Variants in ANO3 observed in about 807,000 individuals in gnomAD.
The protein encoded by ANO3 is anoctamin-3.
ANO3 carries 99 observed loss-of-function variants against 144.8 expected under a neutral mutation model. The observed-to-expected ratio is 0.68, with a 90% confidence interval of 0.58 to 0.81. The LOEUF (loss-of-function observed/expected upper bound fraction) is 0.81. Among genes scored for constraint, ANO3 ranks in the 30% least tolerant of loss-of-function variants. The pLI is 0.00. For missense variants in ANO3, 905 were observed against 1,202.2 expected, an observed-to-expected ratio of 0.75 and a Z score of 3.66; for synonymous variants, 414 against 392.6, an observed-to-expected ratio of 1.05 and a Z score of -0.64.
chr11:26,640,680 G>C (rs935917246), intron 21 of ANO3, among the ~76,000 whole-genome samples: 1 of 152,022 alleles, frequency 6.6e-6, no homozygotes, highest in Non-Finnish European at 1.5e-5. Flanking sequence ...ATGGCCTTGC[G>C]CTAGGGGTCA....
At chr11:26,226,860 T>C (rs1311631758) in intron 1 of ANO3, among the ~76,000 whole-genome samples, 1 of 152,156 alleles carries the variant, frequency 6.6e-6, no homozygotes, top group Non-Finnish European at 1.5e-5. Context: ...CACATTGTTG[T>C]ACAGCCATCA....
At position 26,255,833 on chromosome 11, in the gene ANO3, G is replaced by A. The variant is rs549392236; in HGVS notation, c.155-53812G>A. Among the ~76,000 whole-genome samples the A allele has an allele frequency of 4.6e-4, 70 of 152,242 alleles. No homozygotes were observed. In the South Asian group the frequency reaches 0.014, roughly 30 times the overall value. ...TTATCTAAGCCGTGATGACAAAAAT[G>A]CTCTCAATTCTTAGCAAAATCACAG... On this transcript the variant is annotated intron_variant, in intron 1 of 27. Coordinates refer to the ANO3 transcript ENST00000672621.
intron 10 of ANO3, 42 bp from the exon 11 acceptor site, chr11:26,541,905 C>A: frequency 6.4e-7 from 1 of 1,573,544 alleles, no homozygotes; most frequent in Non-Finnish European, 8.6e-7. Context: ...TAAAATTTCA[C>A]TAAAAAATAG....
chr11:26,635,174 G>A (rs1013353667), intron 20 of ANO3, 104 bp downstream of exon 20: 24 of 963,848 alleles, frequency 2.5e-5, no homozygotes, highest in Non-Finnish European at 3.8e-5. Context: ...GAACTTTATG[G>A]ATATTGAAGA....
chr11:26,424,554 T>A (rs1042333906), intron 1 of ANO3, among the ~76,000 whole-genome samples: 1 of 152,076 alleles, frequency 6.6e-6, no homozygotes, highest in Non-Finnish European at 1.5e-5. Context: ...CCATTTTCTA[T>A]CTGTGTACCT....
intron 1 of ANO3, among the ~76,000 whole-genome samples, chr11:26,209,706 C>T (rs543983569): frequency 2.6e-5 from 4 of 152,304 alleles, no homozygotes; most frequent in African/African-American, 9.6e-5. Flanking sequence ...GATGGTATCT[C>T]ATTGTGGTTT....
chr11:26,405,590 A>G (rs1191496508), intron 1 of ANO3, among the ~76,000 whole-genome samples: 1 of 151,900 alleles, frequency 6.6e-6, no homozygotes, highest in Non-Finnish European at 1.5e-5. Flanking sequence ...TATAAATGTC[A>G]TGCATAACTG....
chr11:26,404,623 C>G (rs921521550), intron 1 of ANO3, among the ~76,000 whole-genome samples: 4 of 151,674 alleles, frequency 2.6e-5, no homozygotes, highest in African/African-American at 9.7e-5. Context: ...TATTATTATT[C>G]AGCTATATTG....
chr11:26,512,529 T>C (rs1484632695), intron 5 of ANO3, among the ~76,000 whole-genome samples: 1 of 152,198 alleles, frequency 6.6e-6, no homozygotes, highest in Non-Finnish European at 1.5e-5. Context: ...GCTTTGTTTT[T>C]TATGTAGAGG....
intron 14 of ANO3, among the ~76,000 whole-genome samples, chr11:26,581,175 G>A (rs1056346580): frequency 2.0e-5 from 3 of 152,124 alleles, no homozygotes; most frequent in Admixed American, 6.5e-5. Context: ...GAGTGAGATG[G>A]ATAATGTTTA....
intron 1 of ANO3, among the ~76,000 whole-genome samples, chr11:26,427,768 T>TCACA (rs1857961091): frequency 1.3e-5 from 2 of 152,172 alleles, no homozygotes; most frequent in African/African-American, 4.8e-5. Flanking sequence ...TTTAATTGAC[T>TCACA]CACAGTTCAG....
intron 17 of ANO3, among the ~76,000 whole-genome samples, chr11:26,617,218 C>T (rs935519936): frequency 2.6e-5 from 4 of 152,188 alleles, no homozygotes; most frequent in African/African-American, 4.8e-5. Context: ...ACCTCCTACC[C>T]TCTTCCTCAG....
At position 26,372,114 on chromosome 11, in the gene ANO3, G is replaced by A. The variant is rs1856277688; in HGVS notation, c.46+39793G>A. Among the ~76,000 whole-genome samples, 3 of 152,308 alleles carry A rather than the reference G, an allele frequency of 2.0e-5. No homozygotes were observed. In the South Asian group the frequency reaches 6.2e-4, roughly 32 times the overall value. ...CCTATAATCCCCACATGTTGTGAGA[G>A]GGACTAGGTGGGAGGTAATTGAATC... On this transcript the variant is annotated intron_variant, in intron 1 of 26. Transcript: ENST00000256737.
chr11:26,605,796 T>C (rs1851918767), intron 17 of ANO3, among the ~76,000 whole-genome samples: 1 of 152,148 alleles, frequency 6.6e-6, no homozygotes, highest in Non-Finnish European at 1.5e-5. Context: ...CCCTTTATCA[T>C]TTTTTATTGT....
At chr11:26,568,551 GATAAT>G (rs1437482654) in intron 14 of ANO3, among the ~76,000 whole-genome samples, 4 of 151,568 alleles carry the variant, frequency 2.6e-5, no homozygotes, top group Admixed American at 2.0e-4. Flanking sequence ...ACAAAACACT[GATAAT>G]ATAAGTCTTT....
At chr11:26,385,860 TG>T (rs1431762397) in intron 1 of ANO3, among the ~76,000 whole-genome samples, 1 of 151,124 alleles carries the variant, frequency 6.6e-6, no homozygotes, top group Non-Finnish European at 1.5e-5. Flanking sequence ...CATATATATG[TG>T]GTGATAGATT....
At chr11:26,285,088 C>A (rs1054303412) in intron 1 of ANO3, among the ~76,000 whole-genome samples, 1 of 151,010 alleles carries the variant, frequency 6.6e-6, no homozygotes, top group African/African-American at 2.5e-5. Flanking sequence ...GGTTTATTTA[C>A]TGTGTACAAT....
chr11:26,634,876 T>C (rs1852900480), intron 19 of ANO3, 137 bp from the exon 20 acceptor site: 2 of 640,426 alleles, frequency 3.1e-6, no homozygotes, highest in South Asian at 4.3e-5. Flanking sequence ...ATGTTTAAGA[T>C]AGCAGAAGTC....
intron 18 of ANO3, among the ~76,000 whole-genome samples, chr11:26,631,070 A>T (rs181687479): frequency 1.3e-4 from 20 of 151,872 alleles, no homozygotes; most frequent in Non-Finnish European, 8.8e-5. Context: ...TTATGTAGGT[A>T]ATTGTTTATT....
Sources: gnomAD v4.1 joint callset for allele counts (sites outside exome capture counted in the v4.1 genomes callset) on GRCh38, gnomAD v4.1.1 for gene constraint, MANE v1.5 for transcripts, NCBI Gene and HGNC (gene_info 2026-07-23, HGNC 2026-07-21) for gene names.